The following CSGALNACT1 variants were observed in gnomAD, a reference collection of about 807,000 sequenced individuals.
The protein encoded by CSGALNACT1 is beta4GalNAcT-1.
In CSGALNACT1, 52 loss-of-function variants were observed where a neutral mutation model predicts 51.0. The ratio of observed to expected loss-of-function variants is 1.02; its 90% confidence interval spans 0.82 to 1.29. The LOEUF (loss-of-function observed/expected upper bound fraction) is 1.29, where lower values mean the gene tolerates loss of function less well. Ranked by LOEUF, CSGALNACT1 falls within the 50% of genes most tolerant of loss-of-function variation. The pLI, the probability that CSGALNACT1 is intolerant of heterozygous loss-of-function variation, is 0.00. For synonymous variants in CSGALNACT1, 341 were observed against 254.4 expected (o/e 1.34, Z -3.24); for missense variants, 935 against 679.2 (o/e 1.38, Z -4.19).
chr8:19,517,577 A>G (rs964565702), intron 3 of CSGALNACT1, among the ~76,000 whole-genome samples: 1 of 152,196 alleles, frequency 6.6e-6, no homozygotes, highest in African/African-American at 2.4e-5. Flanking sequence ...TGGGTCATTT[A>G]TAAAGAAAAA....
At chr8:19,734,859 A>G (rs1207229349) in intron 1 of CSGALNACT1, among the ~76,000 whole-genome samples, 1 of 152,126 alleles carries the variant, frequency 6.6e-6, no homozygotes, top group Non-Finnish European at 1.5e-5. Context: ...TGTATATTAT[A>G]AATATACATA....
At chr8:19,423,525 C>T (rs897154065) in intron 6 of CSGALNACT1, among the ~76,000 whole-genome samples, 1 of 152,200 alleles carries the variant, frequency 6.6e-6, no homozygotes, top group Non-Finnish European at 1.5e-5. Context: ...CTAATAAATG[C>T]TGTTCTCTCC....
intron 4 of CSGALNACT1, among the ~76,000 whole-genome samples, chr8:19,462,288 A>T (rs930623859): frequency 3.3e-5 from 5 of 152,236 alleles, no homozygotes; most frequent in African/African-American, 1.2e-4. Flanking sequence ...TCATAAACAC[A>T]GAAAATGCAG....
chr8:19,716,030 T>C (rs1037641572), intron 1 of CSGALNACT1, among the ~76,000 whole-genome samples: 4 of 152,072 alleles, frequency 2.6e-5, no homozygotes, highest in African/African-American at 9.7e-5. Context: ...GGGTCGGAGG[T>C]TGTTCTCTTA....
chr8:19,669,114 C>G (rs546915620), intron 1 of CSGALNACT1, among the ~76,000 whole-genome samples: 1 of 152,242 alleles, frequency 6.6e-6, no homozygotes, highest in Admixed American at 6.5e-5. Context: ...GGATTTCATT[C>G]AAAAGTATGT....
chr8:19,669,604 C>G (rs1041093200), intron 1 of CSGALNACT1, among the ~76,000 whole-genome samples: 10 of 152,058 alleles, frequency 6.6e-5, no homozygotes, highest in African/African-American at 2.4e-4. Context: ...AGGTGCCTGC[C>G]ACCATGCCTG....
intron 3 of CSGALNACT1, among the ~76,000 whole-genome samples, chr8:19,589,122 A>C (rs146131330): frequency 6.6e-6 from 1 of 152,052 alleles, no homozygotes; most frequent in African/African-American, 2.4e-5. Context: ...CATTCTTTCT[A>C]GGATTGTCTA....
chr8:19,656,497 C>T (rs1184094781), intron 1 of CSGALNACT1, among the ~76,000 whole-genome samples: 1 of 151,814 alleles, frequency 6.6e-6, no homozygotes, highest in African/African-American at 2.4e-5. Context: ...AGAGGCCCCA[C>T]AGGTAAATAT....
At chr8:19,443,194 G>T (rs2061594155) in intron 5 of CSGALNACT1, among the ~76,000 whole-genome samples, 1 of 152,198 alleles carries the variant, frequency 6.6e-6, no homozygotes, top group Non-Finnish European at 1.5e-5. Flanking sequence ...AACCTGGGAA[G>T]GTCCTCTGCT....
chr8:19,600,961 T>G (rs984074404), intron 2 of CSGALNACT1, among the ~76,000 whole-genome samples: 28 of 152,146 alleles, frequency 1.8e-4, no homozygotes, highest in Admixed American at 1.3e-3. Context: ...TTTATGCCTA[T>G]TGAATTACTT....
At chr8:19,520,356 T>C (rs1237367721) in intron 3 of CSGALNACT1, among the ~76,000 whole-genome samples, 1 of 152,206 alleles carries the variant, frequency 6.6e-6, no homozygotes, top group Non-Finnish European at 1.5e-5. Context: ...GCTGCATTGT[T>C]ATTTTTGGTA....
chr8:19,637,832 C>A (rs2056271703), intron 1 of CSGALNACT1, among the ~76,000 whole-genome samples: 1 of 138,374 alleles, frequency 7.2e-6, no homozygotes, highest in Non-Finnish European at 1.5e-5. Flanking sequence ...CGAAATCAGC[C>A]TGACCAGTTT....
intron 2 of CSGALNACT1, among the ~76,000 whole-genome samples, chr8:19,594,386 A>G (rs1335000091): frequency 1.3e-5 from 2 of 152,216 alleles, no homozygotes; most frequent in Non-Finnish European, 2.9e-5. Context: ...ACTCAATACT[A>G]AAAATATGAG....
chr8:19,756,689 C>A (rs1197079913), intron 1 of CSGALNACT1, among the ~76,000 whole-genome samples: 1 of 152,162 alleles, frequency 6.6e-6, no homozygotes, highest in Non-Finnish European at 1.5e-5. Flanking sequence ...TAGCCCGGTC[C>A]CGGGCAGGCG....
chr8:19,420,477 C>T, exon 7 of CSGALNACT1: 2 of 1,614,194 alleles, frequency 1.2e-6, no homozygotes, highest in Non-Finnish European at 1.7e-6. Flanking sequence ...AGAAAATTCT[C>T]CATTCAGCTG....
chr8:19,667,092 A>G lies in CSGALNACT1; in HGVS notation c.-544+15381T>C, dbSNP rs1329549007. Among the ~76,000 whole-genome samples, 8 of 122,056 alleles carry G rather than the reference A, an allele frequency of 6.6e-5. 1 individual carries two copies. The highest frequency in any genetic ancestry group is 2.5e-4 in the African/African-American group (8 of 31,716). 80.1% of individuals were successfully genotyped at this position (122,056 alleles called of 152,430 possible). On this transcript the variant is annotated intron_variant, in intron 1 of 9. Coordinates refer to the CSGALNACT1 transcript ENST00000332246. Reference sequence around the variant, plus strand: ...GAAAGAAAGAAAGAAAGAAAGAAAGAAAGAAAGGGAAAGAAATCTCATCAC... The same window carrying G: ...GAAAGAAAGAAAGAAAGAAAGAAAGGAAGAAAGGGAAAGAAATCTCATCAC...
chr8:19,568,098 G>A (rs2042260078), intron 3 of CSGALNACT1, among the ~76,000 whole-genome samples: 1 of 152,266 alleles, frequency 6.6e-6, no homozygotes, highest in Middle Eastern at 3.4e-3. Flanking sequence ...TTGCAATGTA[G>A]AGATATCTTG....
intron 1 of CSGALNACT1, among the ~76,000 whole-genome samples, chr8:19,692,149 A>C (rs2061362922): frequency 6.6e-6 from 1 of 152,156 alleles, no homozygotes; most frequent in Non-Finnish European, 1.5e-5. Flanking sequence ...AACCGCCCCC[A>C]TGATCCAATC....
chr8:19,594,984 T>C (rs919625168), intron 2 of CSGALNACT1, among the ~76,000 whole-genome samples: 2 of 152,220 alleles, frequency 1.3e-5, no homozygotes, highest in Non-Finnish European at 2.9e-5. Context: ...ATGATAGAAG[T>C]AGCCCTGTCT....
Sources: gnomAD v4.1 joint callset for allele counts (sites outside exome capture counted in the v4.1 genomes callset) on GRCh38, gnomAD v4.1.1 for gene constraint, MANE v1.5 for transcripts, NCBI Gene and HGNC (gene_info 2026-07-23, HGNC 2026-07-21) for gene names.